PHKA2: variants seen among roughly 807,000 people sequenced by gnomAD.
PHKA2 encodes phosphorylase kinase regulatory subunit alpha 2.
PHKA2 carries 31 observed loss-of-function variants against 102.0 expected under a neutral mutation model. The ratio of observed to expected loss-of-function variants is 0.30; its 90% CI spans 0.23 to 0.41. The LOEUF is 0.41. Ranked by LOEUF, PHKA2 falls within the 10% of genes least tolerant of loss-of-function variation. The pLI, the probability that PHKA2 is intolerant of heterozygous loss-of-function variation, is 1.00. For missense variants in PHKA2, 858 were observed against 1,023.1 expected (o/e 0.84, Z 2.20); for synonymous variants, 455 against 416.2 (o/e 1.09, Z -1.13).
chrX:18,918,739 G>T lies in PHKA2; in HGVS notation c.2079C>A (p.Ile693=), dbSNP rs2048062619. Residue 693 remains isoleucine (I), a synonymous_variant, in exon 19 of 33, where the codon ATC becomes ATA. Transcript: ENST00000379942. The part of the protein sequence containing the change: ...NTEDRHVFSA[I]HSTRDILSVM... Reference sequence around the variant, plus strand: ...CAGAAAGTATGTCCCGCGTGGAGTGGATAGCACTGAAGACATGGCGGTCTT... The same window carrying T: ...CAGAAAGTATGTCCCGCGTGGAGTGTATAGCACTGAAGACATGGCGGTCTT... 2 of 1,210,018 alleles carry T rather than the reference G, an allele frequency of 1.7e-6. No homozygotes were observed. Among genetic ancestry groups the T allele is most frequent in the Non-Finnish European group, 1.1e-6 (1 of 893,699 alleles).
chrX:18,948,640 AC>A, intron 5 of PHKA2, 103 bp downstream of exon 5: 1 of 558,116 alleles, frequency 1.8e-6, no homozygotes, highest in Non-Finnish European at 3.2e-6. Context: ...AGTCTCGCTA[AC>A]CTTTTGGTGA....
rs1213766328 is a variant in PHKA2 at position 18,936,163 on chromosome X, C to T, written c.1042-13G>A. 9.0e-7 allele frequency: 1 copy of T among 1,117,076 alleles called. No homozygotes were observed. Among genetic ancestry groups the T allele is most frequent in the Non-Finnish European group, 1.2e-6 (1 of 811,525 alleles). The allele number at this position is 1,117,076 out of a possible 1,213,427, so 92.1% of individuals were successfully genotyped here. A position where few individuals can be genotyped will look rare whatever the true frequency, so the allele number is the denominator to read the frequency against. On this transcript the variant is annotated splice_polypyrimidine_tract_variant and intron_variant, in intron 10 of 32. Transcript: ENST00000379942. ...GGTATTCTTGGACCTGGAAAACAGC[C>T]CCATCATCCATGGCAGGAAGGAGGT...
At chrX:18,903,539 C>T (rs1271979105) in intron 26 of PHKA2, among the ~76,000 whole-genome samples, 1 of 112,518 alleles carries the variant, frequency 8.9e-6, no homozygotes, top group African/African-American at 3.2e-5. Context: ...GAATTCAGTG[C>T]CACAGCGGGG....
intron 1 of PHKA2, among the ~76,000 whole-genome samples, chrX:18,980,170 C>T (rs1362792154): frequency 8.8e-6 from 1 of 113,027 alleles, no homozygotes; most frequent in African/African-American, 3.2e-5. Context: ...GCACAATGCA[C>T]TGCGGAAAGC....
chrX:18,966,476 T>A (rs1174632550), intron 1 of PHKA2, among the ~76,000 whole-genome samples: 2 of 111,967 alleles, frequency 1.8e-5, no homozygotes, highest in African/African-American at 6.5e-5. Flanking sequence ...CAATTCCAAA[T>A]CTCTCCCTTG....
chrX:18,909,368 G>A (rs1352429119), intron 20 of PHKA2, among the ~76,000 whole-genome samples: 1 of 111,828 alleles, frequency 8.9e-6, no homozygotes, highest in Non-Finnish European at 1.9e-5. Flanking sequence ...ATGCCAGATT[G>A]GTATATTGAC....
intron 26 of PHKA2, among the ~76,000 whole-genome samples, chrX:18,904,109 G>T (rs1284972485): frequency 9.0e-6 from 1 of 111,536 alleles, no homozygotes; most frequent in Non-Finnish European, 1.9e-5. Context: ...GAGGAGTAGT[G>T]ACAAATAAGG....
chrX:18,948,145 T>C (rs1197506464), intron 5 of PHKA2, among the ~76,000 whole-genome samples: 1 of 111,200 alleles, frequency 9.0e-6, no homozygotes, highest in East Asian at 2.8e-4. Flanking sequence ...CAATAACCTA[T>C]GGAAATAAAA....
rs756634525 is a variant in PHKA2, at chrX:18,894,234, C to T, written c.3507G>A (p.Gln1169=). The T allele has an allele frequency of 7.4e-6, 9 of 1,210,489 alleles. No homozygotes were observed. In the East Asian group the frequency reaches 2.1e-4, roughly 28 times the overall value. ...GGIIHVDQIV[Q]MASQLFLQDQ... ...CCTGCAAGAACAGCTGACTGGCCAT[C>T]TGCACGATCTGGTCCACGTGGATGA... The change falls in exon 32 of 33, where the codon CAG becomes CAA. Residue 1169 remains glutamine, a synonymous_variant. Transcript: ENST00000379942.
At chrX:18,963,444 A>G (rs958001367) in intron 1 of PHKA2, among the ~76,000 whole-genome samples, 2 of 112,275 alleles carry the variant, frequency 1.8e-5, no homozygotes, top group African/African-American at 6.5e-5. Flanking sequence ...CAGAGAATAA[A>G]GCCCACTCAG....
intron 28 of PHKA2, among the ~76,000 whole-genome samples, chrX:18,899,816 C>A (rs2047644382): frequency 8.9e-6 from 1 of 112,094 alleles, no homozygotes; most frequent in South Asian, 3.7e-4. Flanking sequence ...AATACCATAA[C>A]ACCTATTACA....
At position 18,931,417 on chromosome X, in the gene PHKA2, TG is replaced by T. The variant is rs899663834; in HGVS notation, c.1245+223del. Among the ~76,000 whole-genome samples, 4 of 111,644 alleles carry T rather than the reference TG, an allele frequency of 3.6e-5. No homozygotes were observed. In the Middle Eastern group the frequency reaches 0.014, roughly 382 times the overall value. ...GAGGAAGAATGCTGGCAGGGGGTGA[TG>T]GGGAGTGCTGGGCCCTCATGGACCT... is the stretch of plus-strand genomic sequence containing the variant. On this transcript the variant is annotated intron_variant, in intron 12 of 32. Transcript: ENST00000379942.
Position 18,926,550 on chromosome X carries a change from T to C in PHKA2, c.1362A>G (p.Leu454=), listed in dbSNP as rs1224241332. The C allele has an allele frequency of 1.7e-6, 2 of 1,207,652 alleles. No individual in the cohort carries two copies. The highest frequency in any genetic ancestry group is 2.2e-6 in the Non-Finnish European group (2 of 891,473). ...VLAENNHIKD[L]LRKHGVNVQS... The stretch of plus-strand genomic sequence containing the variant: ...GGACGTTCACCCCGTGTTTCCTCAA[T>C]AAGTCCTTAATGTGATTGTTTTCTG... The change falls in exon 14 of 33, where the codon TTA becomes TTG. Residue 454 remains leucine, a synonymous_variant. Coordinates refer to ENST00000379942, the MANE Select transcript of PHKA2 (RefSeq NM_000292.3).
intron 1 of PHKA2, among the ~76,000 whole-genome samples, chrX:18,961,980 C>T (rs916593426): frequency 1.2e-4 from 13 of 111,090 alleles, no homozygotes. Context: ...AGTCAGGGTG[C>T]AGTGGTGGAA....
chrX:18,951,418 C>A (rs952575), intron 3 of PHKA2, 146 bp from the exon 4 acceptor site: 1 of 589,045 alleles, frequency 1.7e-6, no homozygotes, highest in African/African-American at 2.2e-5. Context: ...TAGGCAGCAC[C>A]GCACAGAGGG....
intron 16 of PHKA2, 108 bp from the exon 17 acceptor site, chrX:18,924,242 A>C: frequency 1.1e-6 from 1 of 910,574 alleles, no homozygotes; most frequent in Non-Finnish European, 1.6e-6. Context: ...CTGGCATAGA[A>C]GATTCCCGAG....
chrX:18,931,941 C>A (rs1023851678), intron 11 of PHKA2, among the ~76,000 whole-genome samples, 193 bp from the exon 12 acceptor site: 11 of 112,232 alleles, frequency 9.8e-5, no homozygotes, highest in African/African-American at 3.6e-4. Flanking sequence ...AGGTGGAAGT[C>A]AAATCGCGGC....
At chrX:18,915,558 T>G (rs1228520180) in intron 19 of PHKA2, 1 of 101,849 alleles carries the variant, frequency 9.8e-6, no homozygotes, top group Non-Finnish European at 2.0e-5. Context: ...TTTTTTTTTT[T>G]GTACAGACAG....
rs565809543 is a variant in PHKA2 at position 18,906,872 on chromosome X, G to A, written c.2598-58C>T. ...AGGTGTCTTGAGACAGTGCCTCCTC[G>A]CCCTCCATGGAACACCCTTATTTTC... On this transcript the variant is annotated intron_variant, in intron 23 of 32. Transcript: ENST00000379942. 25 of 1,052,298 alleles carry A rather than the reference G, an allele frequency of 2.4e-5. 1 individual carries two copies. Among genetic ancestry groups the A allele is most frequent in the South Asian group, 2.2e-4 (12 of 53,634 alleles). 86.7% of individuals were successfully genotyped at this position (1,052,298 alleles called of 1,213,427 possible).
Sources: allele counts gnomAD v4.1 joint callset (sites outside exome capture counted in the v4.1 genomes callset), GRCh38; gene constraint gnomAD v4.1.1; transcripts MANE v1.5; gene names NCBI Gene and HGNC (gene_info 2026-07-23, HGNC 2026-07-21).